NEGR1: variants seen among roughly 807,000 people sequenced by gnomAD.
The protein encoded by NEGR1 is IgLON family member 4.
A neutral mutation model predicts 40.9 loss-of-function variants in NEGR1; 10 were observed. The observed-to-expected ratio is 0.24, with a 90% CI of 0.15 to 0.42. The LOEUF (loss-of-function observed/expected upper bound fraction) is 0.42, where lower values mean the gene tolerates loss of function less well. Among genes scored for constraint, NEGR1 ranks in the 10% least tolerant of loss-of-function variants. The pLI is 1.00. For missense variants in NEGR1, 352 were observed against 438.9 expected, an observed-to-expected ratio of 0.80 and a Z score of 1.77; for synonymous variants, 185 against 166.8, an observed-to-expected ratio of 1.11 and a Z score of -0.84.
chr1:71,792,094 C>T (rs962082283), intron 2 of NEGR1, among the ~76,000 whole-genome samples: 4 of 152,096 alleles, frequency 2.6e-5, no homozygotes, highest in Non-Finnish European at 4.4e-5. Context: ...CAAAAACAAA[C>T]ATGTTGTAAA....
intron 2 of NEGR1, among the ~76,000 whole-genome samples, chr1:71,902,764 G>T (rs1319019549): frequency 1.3e-5 from 2 of 151,880 alleles, no homozygotes; most frequent in Non-Finnish European, 2.9e-5. Context: ...CAATTCTAAG[G>T]AATATACAAT....
At chr1:71,493,393 G>A (rs1211172681) in intron 6 of NEGR1, among the ~76,000 whole-genome samples, 1 of 152,046 alleles carries the variant, frequency 6.6e-6, no homozygotes, top group Non-Finnish European at 1.5e-5. Context: ...TACTTAATTT[G>A]TAGATTATTT....
chr1:72,131,714 A>G (rs1650257819), intron 1 of NEGR1, among the ~76,000 whole-genome samples: 1 of 152,210 alleles, frequency 6.6e-6, no homozygotes, highest in African/African-American at 2.4e-5. Context: ...TAGGTGATAA[A>G]CCTAGGAATG....
chr1:71,519,765 A>T (rs1473078955), intron 6 of NEGR1, among the ~76,000 whole-genome samples: 1 of 151,656 alleles, frequency 6.6e-6, no homozygotes, highest in Admixed American at 6.6e-5. Context: ...ACAAAAAAAG[A>T]TCACACAGCA....
chr1:71,882,676 G>A (rs960124995), intron 2 of NEGR1, among the ~76,000 whole-genome samples: 2 of 148,440 alleles, frequency 1.3e-5, no homozygotes, highest in Non-Finnish European at 3.0e-5. Flanking sequence ...CCCAGTACTC[G>A]TGATAACAGA....
Position 72,271,246 on chromosome 1 carries a change from G to A in NEGR1, c.176+11073C>T, listed in dbSNP as rs138802585. Among the ~76,000 whole-genome samples the A allele has an allele frequency of 1.3e-3, 197 of 151,914 alleles. 1 individual carries two copies. In the East Asian group the frequency reaches 0.027, roughly 21 times the overall value. ...ACAAAAATAAGTAACATAAGCTCAA[G>A]AAAGAGATGCAGAAGATTTTTCAAA... On this transcript the variant is annotated intron_variant, in intron 1 of 6. Coordinates refer to ENST00000357731, the MANE Select transcript of NEGR1 (RefSeq NM_173808.3).
intron 1 of NEGR1, among the ~76,000 whole-genome samples, chr1:72,124,566 C>G (rs971468760): frequency 6.6e-6 from 1 of 151,966 alleles, no homozygotes; most frequent in African/African-American, 2.4e-5. Context: ...GACCAAATGG[C>G]TCACAAATTT....
At chr1:71,464,176 A>G (rs950367523) in intron 6 of NEGR1, among the ~76,000 whole-genome samples, 4 of 152,140 alleles carry the variant, frequency 2.6e-5, no homozygotes, top group Admixed American at 6.6e-5. Context: ...GGAAAAAAGT[A>G]TCTGAAGTCA....
intron 1 of NEGR1, among the ~76,000 whole-genome samples, chr1:72,170,174 G>A (rs1053210968): frequency 4.6e-5 from 7 of 152,060 alleles, no homozygotes; most frequent in African/African-American, 1.7e-4. Flanking sequence ...GCTCATACCT[G>A]CACTCAAATA....
chr1:71,653,275 G>T (rs1163572942), intron 4 of NEGR1, among the ~76,000 whole-genome samples: 1 of 152,090 alleles, frequency 6.6e-6, no homozygotes, highest in Admixed American at 6.6e-5. Flanking sequence ...ATACTTGTTG[G>T]AATATTTATG....
At chr1:71,960,079 T>G (rs991133342) in intron 1 of NEGR1, among the ~76,000 whole-genome samples, 7 of 152,174 alleles carry the variant, frequency 4.6e-5, no homozygotes, top group Non-Finnish European at 8.8e-5. Flanking sequence ...GGCAAGCATA[T>G]ATTCCCTTTG....
chr1:71,955,009 A>T (rs1279374349), intron 1 of NEGR1, among the ~76,000 whole-genome samples: 1 of 152,208 alleles, frequency 6.6e-6, no homozygotes, highest in Non-Finnish European at 1.5e-5. Context: ...CTAGAAAATT[A>T]ATAGTTTAAA....
At chr1:71,897,425 T>C (rs1661004004) in intron 2 of NEGR1, among the ~76,000 whole-genome samples, 1 of 152,204 alleles carries the variant, frequency 6.6e-6, no homozygotes, top group Non-Finnish European at 1.5e-5. Flanking sequence ...ACTTCTGTGT[T>C]GTCACTTCTT....
chr1:71,407,563 A>C lies in NEGR1; in HGVS notation c.948T>G (p.Ser316Arg). ...TNASLPLNPP[S>R]TAQYGITGSA... The stretch of plus-strand genomic sequence containing the variant: ...TCCCGGTAATTCCATACTGGGCTGT[A>C]CTTGGAGCTGGAAAGAAATGGAAAA... The change falls in exon 7 of 7, where the codon AGT becomes AGG. Residue 316 changes from serine to arginine, a missense_variant. Physicochemically the swap from Ser to Arg is moderately radical, Grantham distance 110 (BLOSUM62 -1). Around this residue, in one of 5 missense-constraint regions of NEGR1, gnomAD observed 184 missense variants for 208.7 expected, o/e 0.88. Transcript: ENST00000357731. 6.2e-7 allele frequency: 1 copy of C among 1,611,996 alleles called. No homozygotes were observed. Among genetic ancestry groups the C allele is most frequent in the African/African-American group, 1.3e-5 (1 of 74,954 alleles).
chr1:71,887,992 GACACACACACACACACACACACACACAC>G (rs57794150), intron 2 of NEGR1, among the ~76,000 whole-genome samples: 1 of 138,182 alleles, frequency 7.2e-6, no homozygotes, highest in Admixed American at 7.2e-5. Context: ...CTTTTGAAAG[GACACACACACACACACACACACACACAC>G]ACACACACAC....
chr1:72,259,662 G>A (rs1655392212), intron 1 of NEGR1, among the ~76,000 whole-genome samples: 3 of 151,976 alleles, frequency 2.0e-5, no homozygotes, highest in South Asian at 4.1e-4. Flanking sequence ...AAGCTATTAT[G>A]GAAAGGGAGC....
chr1:72,157,979 C>T (rs962654755), intron 1 of NEGR1, among the ~76,000 whole-genome samples: 1 of 152,136 alleles, frequency 6.6e-6, no homozygotes, highest in African/African-American at 2.4e-5. Context: ...AAATCTCTCC[C>T]ATTTTCACCA....
At chr1:71,872,736 A>G (rs188420423) in intron 2 of NEGR1, among the ~76,000 whole-genome samples, 1 of 152,212 alleles carries the variant, frequency 6.6e-6, no homozygotes, top group Admixed American at 6.6e-5. Context: ...TCAAATTCCA[A>G]TAATATGCTG....
intron 2 of NEGR1, among the ~76,000 whole-genome samples, chr1:71,789,983 T>C (rs1657051408): frequency 6.6e-6 from 1 of 152,098 alleles, no homozygotes. Flanking sequence ...ATAAACTATA[T>C]CTAAATATTT....
Sources: allele counts gnomAD v4.1 joint callset (sites outside exome capture counted in the v4.1 genomes callset), GRCh38; gene constraint gnomAD v4.1.1; regional missense constraint gnomAD v4.1.1; transcripts MANE v1.5; gene names NCBI Gene and HGNC (gene_info 2026-07-23, HGNC 2026-07-21).